TERT: variants seen among roughly 807,000 people sequenced by gnomAD.
TERT encodes telomerase reverse transcriptase.
A neutral mutation model predicts 104.0 loss-of-function variants in TERT; 42 were observed. That is an observed-to-expected ratio of 0.40 (90% CI 0.32 to 0.52). The LOEUF (loss-of-function observed/expected upper bound fraction) is 0.52. TERT is among the 20% of genes least tolerant of loss of function. The probability of loss-of-function intolerance (pLI) is 0.43; values close to 1 mark genes in which losing one functional copy is unlikely to be tolerated. For synonymous variants in TERT, 781 were observed against 725.6 expected (o/e 1.08, Z -1.23); for missense variants, 1,101 against 1,610.3 (o/e 0.68, Z 5.41).
intron 3 of TERT, 133 bp downstream of exon 3, chr5:1,282,296 G>C: frequency 1.1e-6 from 1 of 916,716 alleles, no homozygotes; most frequent in Non-Finnish European, 1.8e-6. Context: ...CCAGGCCTGT[G>C]ACGGGGCCCC....
At chr5:1,285,033 C>T (rs1179486009) in intron 2 of TERT, among the ~76,000 whole-genome samples, 1 of 116,496 alleles carries the variant, frequency 8.6e-6, no homozygotes, top group Non-Finnish European at 1.8e-5. Context: ...CATCCGGACT[C>T]CATACCTCCA....
rs1465590201 is a variant in TERT, at chr5:1,294,951, C to T, written c.39G>A (p.Leu13=). ...RAPRCRAVRS[L]LRSHYREVLP... is the part of the protein sequence containing the mutation. ...GCACCTCGCGGTAGTGGCTGCGCAGCAGGGAGCGCACGGCTCGGCAGCGGG... is the reference window on the plus strand; with the variant it reads ...GCACCTCGCGGTAGTGGCTGCGCAGTAGGGAGCGCACGGCTCGGCAGCGGG... The change falls in exon 1 of 16, where the codon CTG becomes CTA. Residue 13 remains leucine, a synonymous_variant. Coordinates refer to ENST00000310581, the MANE Select transcript of TERT (RefSeq NM_198253.3). 2 of 1,389,900 alleles carry T rather than the reference C, an allele frequency of 1.4e-6. No individual in the cohort carries two copies. The highest frequency in any genetic ancestry group is 1.9e-6 in the Non-Finnish European group (2 of 1,077,708). 86.1% of individuals were successfully genotyped at this position (1,389,900 alleles called of 1,614,324 possible).
intron 9 of TERT, among the ~76,000 whole-genome samples, chr5:1,267,637 C>A (rs550213464): frequency 6.6e-6 from 1 of 152,170 alleles, no homozygotes; most frequent in African/African-American, 2.4e-5. Flanking sequence ...ATATACACCA[C>A]GGAATACTAT....
chr5:1,276,039 C>T (rs113863870), intron 6 of TERT, among the ~76,000 whole-genome samples: 4 of 143,948 alleles, frequency 2.8e-5, no homozygotes, highest in East Asian at 2.1e-4. Flanking sequence ...CCCACAGATC[C>T]CCACCTACCC....
At chr5:1,266,672 T>TA (rs1554039531) in intron 9 of TERT, 137 bp from the exon 10 acceptor site, 1 of 786,060 alleles carries the variant, frequency 1.3e-6, no homozygotes, top group Non-Finnish European at 2.2e-6. Context: ...ATGAAAAACT[T>TA]AAATTTCTTT....
At chr5:1,289,356 C>T (rs1246503336) in intron 2 of TERT, among the ~76,000 whole-genome samples, 1 of 128,628 alleles carries the variant, frequency 7.8e-6, no homozygotes, top group Non-Finnish European at 1.7e-5. Flanking sequence ...TCACCCTACA[C>T]GTGACAGGGA....
In TERT at chr5:1,265,791, G is replaced by A. The variant is rs186006206; in HGVS notation, c.2654+673C>T. Among the ~76,000 whole-genome samples the A allele has an allele frequency of 1.1e-4, 16 of 152,232 alleles. No homozygotes were observed. Among genetic ancestry groups the A allele is most frequent in the Admixed American group, 2.6e-4 (4 of 15,302 alleles). On this transcript the variant is annotated intron_variant, in intron 10 of 15. Transcript: ENST00000310581. This position sits in a 1 kb window ranked among gnomAD's most constrained non-coding sequence, Gnocchi z 6.9. ...CAGCTTTCAAGGTTTCTCGTCCCTC[G>A]TCAAATCGCACTTTAAAACAAGCCC...
At chr5:1,254,644 C>A in intron 14 of TERT, 139 bp from the exon 15 acceptor site, 3 of 937,018 alleles carry the variant, frequency 3.2e-6, no homozygotes, top group Non-Finnish European at 4.7e-6. Context: ...GCAGGAGTCA[C>A]GACAGAAATG....
At chr5:1,277,605 T>TG (rs35577391) in intron 6 of TERT, among the ~76,000 whole-genome samples, 56,968 of 121,158 alleles carry the variant, frequency 0.47, 13,453 homozygotes, top group Admixed American at 0.55. Context: ...AGCGGGGATG[T>TG]GGGGGGGGGT....
rs575276069 is a variant in TERT at position 1,269,481 on chromosome 5, G to A, written c.2469-848C>T. Among the ~76,000 whole-genome samples the A allele has an allele frequency of 1.2e-4, 18 of 152,124 alleles. 1 individual carries two copies. The highest frequency in any genetic ancestry group is 3.4e-4 in the African/African-American group (14 of 41,492). On this transcript the variant is annotated intron_variant, in intron 8 of 15. Transcript: ENST00000310581. The surrounding 1 kb of genome is among the most constrained non-coding windows in gnomAD (Gnocchi z 9.0). ...AAAAATTAGCCAGGCGCAGGGGGTG[G>A]GTGCCTGTAATCTCAGCTGCTCGGG...
In TERT at chr5:1,286,050, G is replaced by A. The variant is rs191093565; in HGVS notation, c.1574-3426C>T. Among the ~76,000 whole-genome samples the A allele has an allele frequency of 1.1e-4, 16 of 152,184 alleles. No homozygotes were observed. Among genetic ancestry groups the A allele is most frequent in the Admixed American group, 2.6e-4 (4 of 15,294 alleles). On this transcript the variant is annotated intron_variant, in intron 2 of 15. Transcript: ENST00000310581. The surrounding 1 kb of genome is among the most constrained non-coding windows in gnomAD (Gnocchi z 5.3). ...TGCGCGATTTCAAACTCGACACCGC[G>A]GAGCCACCAGACCCCGACATGCCTG...
rs1422699300 is a variant in TERT at position 1,256,873 on chromosome 5, C to T, written c.3033-1462G>A. ...AGAGGTCGGGGCGTCCACCCCAAGC[C>T]CGTGTGGAGGCGCGGCCAGCACGGG... On this transcript the variant is annotated intron_variant, in intron 13 of 15. Coordinates refer to ENST00000310581, the MANE Select transcript of TERT (RefSeq NM_198253.3). The surrounding 1 kb of genome is among the most constrained non-coding windows in gnomAD (Gnocchi z 7.0). Among the ~76,000 whole-genome samples, 7 of 152,194 alleles carry T rather than the reference C, an allele frequency of 4.6e-5. No homozygotes were observed. The highest frequency in any genetic ancestry group is 1.7e-4 in the African/African-American group (7 of 41,446).
Position 1,261,692 on chromosome 5 carries a change from A to G in TERT, c.2844-1092T>C, listed in dbSNP as rs1384653216. Among the ~76,000 whole-genome samples the G allele has an allele frequency of 6.6e-6, 1 of 152,178 alleles. No homozygotes were observed. Among genetic ancestry groups the G allele is most frequent in the East Asian group, 1.9e-4 (1 of 5,190 alleles). On this transcript the variant is annotated intron_variant, in intron 11 of 15. Transcript: ENST00000310581. This position sits in a 1 kb window ranked among gnomAD's most constrained non-coding sequence, Gnocchi z 7.4. ...TGACGCTGCTGGTAGGACCTTCCCA[A>G]GTGTGCATCAGACGTCCATTTCTTC...
rs1045607974 is a variant in TERT at position 1,286,309 on chromosome 5, G to A, written c.1574-3685C>T. ...AGCAATAACAAGACAGAAGAACCAC[G>A]CAAAGGACAAGGAAGGGGACCCCAG... On this transcript the variant is annotated intron_variant, in intron 2 of 15. Coordinates refer to ENST00000310581, the MANE Select transcript of TERT (RefSeq NM_198253.3). The surrounding 1 kb of genome is among the most constrained non-coding windows in gnomAD (Gnocchi z 5.3). 6.6e-6 allele frequency among the ~76,000 whole-genome samples: 1 copy of A among 152,180 alleles called. No individual in the cohort carries two copies. Among genetic ancestry groups the A allele is most frequent in the Non-Finnish European group, 1.5e-5 (1 of 68,034 alleles).
In TERT at chr5:1,257,274, G is replaced by A. The variant is rs1166097350; in HGVS notation, c.3032+1324C>T. ...TGAGCTGAATATGGGAGGAGCAGGT[G>A]GCAGGTCACATGGCCCTGGGAGTTT... On this transcript the variant is annotated intron_variant, in intron 13 of 15. Transcript: ENST00000310581. This position sits in a 1 kb window ranked among gnomAD's most constrained non-coding sequence, Gnocchi z 5.6. Among the ~76,000 whole-genome samples the A allele has an allele frequency of 1.3e-5, 2 of 152,096 alleles. No homozygotes were observed. The highest frequency in any genetic ancestry group is 2.4e-5 in the African/African-American group (1 of 41,422).
At position 1,293,947 on chromosome 5, in the gene TERT, T is replaced by C. The variant is rs1554042914; in HGVS notation, c.939A>G (p.Pro313=). The C allele has an allele frequency of 1.3e-6, 2 of 1,547,420 alleles. No individual in the cohort carries two copies. Among genetic ancestry groups the C allele is most frequent in the African/African-American group, 1.4e-5 (1 of 73,258 alleles). The change falls in exon 2 of 16, where the codon CCA becomes CCG. Residue 313 remains proline (P), a synonymous_variant. Coordinates refer to ENST00000310581, the MANE Select transcript of TERT (RefSeq NM_198253.3). ...GACAAGGCGTGTCCCAGGGACGTGGTGGCCGCGATGTGGATGGGGGGCCCG... is the reference window on the plus strand; with the variant it reads ...GACAAGGCGTGTCCCAGGGACGTGGCGGCCGCGATGTGGATGGGGGGCCCG... ...HHAGPPSTSR[P]PRPWDTPCPP...
At position 1,268,148 on chromosome 5, in the gene TERT, G is replaced by A. The variant is rs566644779; in HGVS notation, c.2582+372C>T. Among the ~76,000 whole-genome samples the A allele has an allele frequency of 6.6e-6, 1 of 152,362 alleles. No individual in the cohort carries two copies. The highest frequency in any genetic ancestry group is 1.5e-5 in the Non-Finnish European group (1 of 68,030). ...AGGCCACCTGTCGAGGGCCTGCTGG[G>A]AGATGTGGGGCCTCAGGCTGCACCA... On this transcript the variant is annotated intron_variant, in intron 9 of 15. Coordinates refer to ENST00000310581, the MANE Select transcript of TERT (RefSeq NM_198253.3). This position sits in a 1 kb window ranked among gnomAD's most constrained non-coding sequence, Gnocchi z 5.5.
Position 1,255,614 on chromosome 5 carries a change from G to A in TERT, c.3033-203C>T, listed in dbSNP as rs1747674277. Among the ~76,000 whole-genome samples, 1 of 152,252 alleles carries A rather than the reference G, an allele frequency of 6.6e-6. No homozygotes were observed. On this transcript the variant is annotated intron_variant, in intron 13 of 15. Transcript: ENST00000310581. This position sits in a 1 kb window ranked among gnomAD's most constrained non-coding sequence, Gnocchi z 6.9. ...TGTGCGAGTAGCTGCGTGTCTGTGTGTGCACAGGTACACTGCGTTTCTGTG... is the reference window on the plus strand; with the variant it reads ...TGTGCGAGTAGCTGCGTGTCTGTGTATGCACAGGTACACTGCGTTTCTGTG...
intron 3 of TERT, among the ~76,000 whole-genome samples, chr5:1,280,758 C>CT (rs1232522966): frequency 4.6e-5 from 7 of 152,210 alleles, no homozygotes; most frequent in African/African-American, 1.7e-4. Context: ...AGCCACATCC[C>CT]TTCAGATGGA....
Sources: gnomAD v4.1 joint callset for allele counts (sites outside exome capture counted in the v4.1 genomes callset) on GRCh38, gnomAD v4.1.1 for gene constraint, Gnocchi (gnomAD v3.1) non-coding constraint, MANE v1.5 for transcripts, NCBI Gene and HGNC (gene_info 2026-07-23, HGNC 2026-07-21) for gene names.